SBF2: variants seen among roughly 807,000 people sequenced by gnomAD.
SBF2 encodes SET binding factor 2.
In SBF2, 112 loss-of-function variants were observed where a neutral mutation model predicts 225.2. The observed-to-expected ratio is 0.50, with a 90% CI of 0.43 to 0.58. The LOEUF (loss-of-function observed/expected upper bound fraction) is 0.58. Among genes scored for constraint, SBF2 ranks in the 20% least tolerant of loss-of-function variants. The probability of loss-of-function intolerance (pLI) is 0.00; values close to 1 mark genes in which losing one functional copy is unlikely to be tolerated. For synonymous variants in SBF2, 763 were observed against 773.3 expected (o/e 0.99, Z 0.22); for missense variants, 1,996 against 2,206.2 (o/e 0.90, Z 1.91).
At chr11:9,780,814 C>T (rs1851956088) in intron 39 of SBF2, 2 of 404,512 alleles carry the variant, frequency 4.9e-6, no homozygotes, top group Non-Finnish European at 9.3e-6. Flanking sequence ...TGAATGGTGC[C>T]TTTAACCTTT....
intron 29 of SBF2, among the ~76,000 whole-genome samples, chr11:9,814,990 A>C (rs1306369200): frequency 2.0e-5 from 3 of 152,174 alleles, no homozygotes; most frequent in Non-Finnish European, 4.4e-5. Flanking sequence ...ATGGAATTGT[A>C]ACTGGATGGC....
intron 3 of SBF2, among the ~76,000 whole-genome samples, chr11:10,036,051 C>A (rs988125322): frequency 2.0e-5 from 3 of 152,102 alleles, no homozygotes; most frequent in African/African-American, 4.8e-5. Context: ...GCAAATGTGG[C>A]ACATATACAC....
At chr11:10,023,431 T>G (rs1429633654) in intron 6 of SBF2, among the ~76,000 whole-genome samples, 2 of 152,212 alleles carry the variant, frequency 1.3e-5, no homozygotes, top group Non-Finnish European at 2.9e-5. Flanking sequence ...TCAGTGGTTT[T>G]TAGTGTAGTC....
intron 17 of SBF2, among the ~76,000 whole-genome samples, chr11:9,888,033 G>A (rs997028037): frequency 2.6e-5 from 4 of 151,732 alleles, no homozygotes; most frequent in Non-Finnish European, 5.9e-5. Flanking sequence ...TATGAAAGTC[G>A]GCATATTTGT....
At chr11:9,977,249 T>C (rs770503512) in intron 13 of SBF2, among the ~76,000 whole-genome samples, 22 of 152,204 alleles carry the variant, frequency 1.4e-4, no homozygotes, top group Non-Finnish European at 7.4e-5. Flanking sequence ...TTTAGGAGGC[T>C]GAGGTAGGAG....
chr11:10,298,161 C>G (rs1356736707), upstream of SBF2, among the ~76,000 whole-genome samples: 1 of 152,188 alleles, frequency 6.6e-6, no homozygotes, highest in African/African-American at 2.4e-5. Flanking sequence ...GAGGCCGAGG[C>G]AGGTGGATCA....
At chr11:10,222,224 T>C (rs1198785366) in intron 1 of SBF2, among the ~76,000 whole-genome samples, 1 of 152,072 alleles carries the variant, frequency 6.6e-6, no homozygotes, top group Non-Finnish European at 1.5e-5. Context: ...ATTCACAATA[T>C]CCAAAACACA....
intron 24 of SBF2, 79 bp from the exon 25 acceptor site, chr11:9,842,849 A>ATT: frequency 6.9e-7 from 1 of 1,451,040 alleles, no homozygotes; most frequent in Admixed American, 1.7e-5. Flanking sequence ...CTTAGCTCAA[A>ATT]TTGTTTCTTC....
At chr11:10,239,224 T>G (rs1291732986) in intron 1 of SBF2, among the ~76,000 whole-genome samples, 1 of 150,670 alleles carries the variant, frequency 6.6e-6, no homozygotes, top group African/African-American at 2.4e-5. Flanking sequence ...AAATTCAATT[T>G]GTTTGCAACA....
chr11:9,801,003 ATTG>A (rs532445362), intron 32 of SBF2, among the ~76,000 whole-genome samples: 186 of 152,174 alleles, frequency 1.2e-3, no homozygotes, highest in African/African-American at 4.0e-3. Flanking sequence ...AGTTTTCTTT[ATTG>A]TTGGCCACAA....
intron 1 of SBF2, among the ~76,000 whole-genome samples, chr11:10,284,652 C>T (rs1207972560): frequency 1.3e-5 from 2 of 151,894 alleles, no homozygotes; most frequent in African/African-American, 4.8e-5. Flanking sequence ...GTTCCGTTAC[C>T]CAGGCTGGAG....
At chr11:10,189,316 C>T (rs1957068091) in intron 2 of SBF2, among the ~76,000 whole-genome samples, 1 of 152,172 alleles carries the variant, frequency 6.6e-6, no homozygotes, top group African/African-American at 2.4e-5. Flanking sequence ...TCATCTCATT[C>T]TCCTTTCAAG....
At chr11:10,287,452 T>C (rs76186177) in intron 1 of SBF2, among the ~76,000 whole-genome samples, 1,992 of 152,190 alleles carry the variant, frequency 0.013, 51 homozygotes, top group African/African-American at 0.045. Flanking sequence ...AGGCTATTTT[T>C]TTTTTTCAAA....
chr11:9,782,183 T>A (rs76210503), intron 38 of SBF2, among the ~76,000 whole-genome samples: 1,049 of 137,382 alleles, frequency 7.6e-3, no homozygotes, highest in Non-Finnish European at 8.0e-3. Flanking sequence ...TCTCAAAAAA[T>A]AAAAAAAAAA....
intron 6 of SBF2, among the ~76,000 whole-genome samples, chr11:10,004,919 T>A (rs1948130476): frequency 6.6e-6 from 1 of 152,110 alleles, no homozygotes; most frequent in Non-Finnish European, 1.5e-5. Context: ...ACCCAACCAA[T>A]GTACATCTTA....
intron 13 of SBF2, among the ~76,000 whole-genome samples, chr11:9,976,318 C>T (rs1194258870): frequency 6.6e-6 from 1 of 152,050 alleles, no homozygotes; most frequent in Non-Finnish European, 1.5e-5. Flanking sequence ...ATGATCTGCC[C>T]GCCTCGGTCT....
Position 9,879,577 on chromosome 11 carries a change from G to T in SBF2, c.1929+16366C>A, listed in dbSNP as rs545239778. Among the ~76,000 whole-genome samples the T allele has an allele frequency of 6.6e-5, 10 of 152,232 alleles. 1 individual carries two copies. The South Asian group carries it at 2.1e-3, about 32-fold the overall frequency. On this transcript the variant is annotated intron_variant, in intron 17 of 39. Transcript: ENST00000256190. ...CTTGGTGAGCATAGGGACTGTGTCT[G>T]TTTTATTTGTCAATGTATATCCAGT... is the stretch of plus-strand genomic sequence containing the variant.
chr11:10,043,100 C>G, intron 2 of SBF2, 119 bp from the exon 3 acceptor site: 1 of 934,344 alleles, frequency 1.1e-6, no homozygotes, highest in Middle Eastern at 3.3e-4. Context: ...TGGTATGAGT[C>G]TAAAGCCAAC....
chr11:10,270,760 G>A (rs554523062), intron 1 of SBF2, among the ~76,000 whole-genome samples: 2 of 152,202 alleles, frequency 1.3e-5, no homozygotes, highest in African/African-American at 2.4e-5. Flanking sequence ...TTGGGAGGCC[G>A]AGGTAGGCGG....
Sources: gnomAD v4.1 joint callset for allele counts (sites outside exome capture counted in the v4.1 genomes callset) on GRCh38, gnomAD v4.1.1 for gene constraint, MANE v1.5 for transcripts, NCBI Gene and HGNC (gene_info 2026-07-23, HGNC 2026-07-21) for gene names.